KLHL17: variants seen among roughly 807,000 people sequenced by gnomAD.
KLHL17 encodes kelch-like protein 17.
In KLHL17, 71 loss-of-function variants were observed where a neutral mutation model predicts 64.6. That is an observed-to-expected ratio of 1.10 (90% CI 0.91 to 1.34). The LOEUF is 1.34. Ranked by LOEUF, KLHL17 falls within the 40% of genes most tolerant of loss-of-function variation. KLHL17 has a pLI of 0.00. For synonymous variants in KLHL17, 612 were observed against 405.4 expected, an observed-to-expected ratio of 1.51 and a Z score of -6.12; for missense variants, 1,140 against 935.0, an observed-to-expected ratio of 1.22 and a Z score of -2.86.
In KLHL17 at chr1:965,554, T is replaced by A; in HGVS notation, c.*363T>A. Reference sequence around the variant, plus strand: ...AGCAGCTGCAGACCCCAGCTCGAATTTTGCACATGGCGGGGTCCCGGGAAG... The same window carrying A: ...AGCAGCTGCAGACCCCAGCTCGAATATTGCACATGGCGGGGTCCCGGGAAG... On this transcript the variant is annotated 3_prime_UTR_variant, in exon 12 of 12. Transcript: ENST00000338591. The A allele has an allele frequency of 7.0e-6, 2 of 286,756 alleles. No individual in the cohort carries two copies. The highest frequency in any genetic ancestry group is 1.3e-5 in the Non-Finnish European group (2 of 152,958). The allele number at this position is 286,756 out of a possible 1,614,324, so 17.8% of individuals were successfully genotyped here. A position where few individuals can be genotyped will look rare whatever the true frequency, so the allele number is the denominator to read the frequency against.
rs1375245680 is a variant in KLHL17 at position 963,997 on chromosome 1, T to TG, written c.1435dup (p.Ala479GlyfsTer4). The TG allele has an allele frequency of 6.2e-7, 1 of 1,612,406 alleles. No individual in the cohort carries two copies. The highest frequency in any genetic ancestry group is 8.5e-7 in the Non-Finnish European group (1 of 1,179,912). ...AGCACCCGGAGGCGCTATGTGCGAG[T>TG]GGCCACGCTTGGTGGGTGATGGGGC... On this transcript the variant is annotated frameshift_variant, in exon 9 of 12. Transcript: ENST00000338591. LOFTEE classifies it high-confidence loss of function.
rs779586269 is a variant in KLHL17 at position 962,937 on chromosome 1, T to A, written c.1042+20T>A. 2.6e-6 allele frequency: 4 copies of A among 1,532,094 alleles called. No homozygotes were observed. The highest frequency in any genetic ancestry group is 3.5e-6 in the Non-Finnish European group (4 of 1,142,054). The allele number at this position is 1,532,094 out of a possible 1,614,324, so 94.9% of individuals were successfully genotyped here. ...CTGTGGGTATGGCCCCCCGCCCGTT[T>A]CCCTCTTGCCCTGTGCCTTCTACTC... On this transcript the variant is annotated intron_variant, in intron 6 of 11. Transcript: ENST00000338591.
At position 961,676 on chromosome 1, in the gene KLHL17, G is replaced by C. The variant is rs1194894103; in HGVS notation, c.415G>C (p.Asp139His). 1.2e-6 allele frequency: 2 copies of C among 1,612,390 alleles called. No individual in the cohort carries two copies. Among genetic ancestry groups the C allele is most frequent in the Non-Finnish European group, 1.7e-6 (2 of 1,179,646 alleles). ...GACCCACGTGACGCTGCACGACATCGACCCTCAGGCCTTGGACCAGCTGGT... is the reference window on the plus strand; with the variant it reads ...GACCCACGTGACGCTGCACGACATCCACCCTCAGGCCTTGGACCAGCTGGT... ...RQTHVTLHDI[D>H]PQALDQLVQF... Residue 139 changes from aspartate (D) to histidine (H), a missense_variant, in exon 3 of 12, where the codon GAC becomes CAC. By Grantham distance (81) the Asp-to-His change is moderately conservative. Transcript: ENST00000338591.
At position 961,303 on chromosome 1, in the gene KLHL17, G is replaced by T; in HGVS notation, c.118G>T (p.Glu40Ter). The change falls in exon 2 of 12, where the codon GAG (glutamate) becomes TAG (stop). Residue 40 changes from glutamate (E) to a stop codon, truncating the protein, a stop_gained. Coordinates refer to ENST00000338591, the MANE Select transcript of KLHL17 (RefSeq NM_198317.3). LOFTEE classifies it high-confidence loss of function. ...PPPQPPAPEA[E>*]RTRPRQARPA... ...GCCCGCCTCCTGCAGCCCCGAGGCA[G>T]AGCGCACGCGGCCCCGGCAGGCTCG... 1 of 1,517,090 alleles carries T rather than the reference G, an allele frequency of 6.6e-7. No individual in the cohort carries two copies. Among genetic ancestry groups the T allele is most frequent in the South Asian group, 1.2e-5 (1 of 82,788 alleles). 94.0% of individuals were successfully genotyped at this position (1,517,090 alleles called of 1,614,324 possible). A position where few individuals can be genotyped will look rare whatever the true frequency, so the allele number is the denominator to read the frequency against.
At chr1:962,615 G>C in intron 5 of KLHL17, 89 bp from the exon 6 acceptor site, 2 of 1,522,188 alleles carry the variant, frequency 1.3e-6, no homozygotes, top group Non-Finnish European at 1.8e-6. Context: ...CCATCACACA[G>C]GTGGTACGGG....
At position 960,793 on chromosome 1, in the gene KLHL17, C is replaced by T. The variant is rs1236359939; in HGVS notation, c.100C>T (p.Pro34Ser). ...GGCGCCGCCGCCTCCACCGCCGCAGCCGCCGGCGTGAGTGGGCGGGGGTCG... is the reference window on the plus strand; with the variant it reads ...GGCGCCGCCGCCTCCACCGCCGCAGTCGCCGGCGTGAGTGGGCGGGGGTCG... The part of the protein sequence containing the change: ...PEAPPPPPPQ[P>S]PAPEAERTRP... The change falls in exon 1 of 12, where the codon CCG becomes TCG. Residue 34 changes from proline to serine, a missense_variant. Coordinates refer to ENST00000338591, the MANE Select transcript of KLHL17 (RefSeq NM_198317.3). 2 of 1,064,250 alleles carry T rather than the reference C, an allele frequency of 1.9e-6. No individual in the cohort carries two copies. The highest frequency in any genetic ancestry group is 1.7e-5 in the African/African-American group (1 of 58,800). The allele number at this position is 1,064,250 out of a possible 1,614,324, so 65.9% of individuals were successfully genotyped here. A position where few individuals can be genotyped will look rare whatever the true frequency, so the allele number is the denominator to read the frequency against.
intron 8 of KLHL17, 69 bp from the exon 9 acceptor site, chr1:963,851 G>A (rs572629991): frequency 1.0e-5 from 15 of 1,492,534 alleles, no homozygotes; most frequent in African/African-American, 1.4e-5. Flanking sequence ...CCGCTGGGGA[G>A]GGCAGGTCCT....
In KLHL17 at chr1:961,734, G is replaced by C. The variant is rs1368263108; in HGVS notation, c.473G>C (p.Gly158Ala). ...GCCTACACGGCTGAGATTGTGGTGG[G>C]CGAGGGCAATGTGCAGGTGAGGGCT... ...QFAYTAEIVV[G>A]EGNVQTLLPA... is the part of the protein sequence containing the mutation. The change falls in exon 3 of 12, where the codon GGC (glycine) becomes GCC (alanine). Residue 158 changes from glycine to alanine, a missense_variant. Gly to Ala is a moderately conservative substitution (Grantham distance 60, BLOSUM62 0). Coordinates refer to ENST00000338591, the MANE Select transcript of KLHL17 (RefSeq NM_198317.3). 7 of 1,611,846 alleles carry C rather than the reference G, an allele frequency of 4.3e-6. No homozygotes were observed. In the Middle Eastern group the frequency reaches 6.6e-4, roughly 151 times the overall value.
Position 965,288 on chromosome 1 carries a change from T to A in KLHL17, c.*97T>A. On this transcript the variant is annotated 3_prime_UTR_variant, in exon 12 of 12. Transcript: ENST00000338591. The stretch of plus-strand genomic sequence containing the variant: ...TGCGCCATCCGTTCACGTCTCTGCA[T>A]CCATTCCTTCATGTCTTTATTTAGT... The A allele has an allele frequency of 2.2e-6, 2 of 894,262 alleles. No individual in the cohort carries two copies. The highest frequency in any genetic ancestry group is 1.6e-5 in the South Asian group (1 of 62,086). The allele number at this position is 894,262 out of a possible 1,614,324, so 55.4% of individuals were successfully genotyped here. A position where few individuals can be genotyped will look rare whatever the true frequency, so the allele number is the denominator to read the frequency against.
Position 965,581 on chromosome 1 carries a change from G to A in KLHL17, c.*390G>A, listed in dbSNP as rs1336732079. ...TGCACATGGCGGGGTCCCGGGAAGGGTGGGGAGCAGTTGTCCTTCCTGTCG... is the reference window on the plus strand; with the variant it reads ...TGCACATGGCGGGGTCCCGGGAAGGATGGGGAGCAGTTGTCCTTCCTGTCG... On this transcript the variant is annotated 3_prime_UTR_variant, in exon 12 of 12. Coordinates refer to ENST00000338591, the MANE Select transcript of KLHL17 (RefSeq NM_198317.3). The A allele has an allele frequency of 2.3e-5, 6 of 258,288 alleles. No homozygotes were observed. Among genetic ancestry groups the A allele is most frequent in the Non-Finnish European group, 4.4e-5 (6 of 135,072 alleles). 16.0% of individuals were successfully genotyped at this position (258,288 alleles called of 1,614,324 possible). A position where few individuals can be genotyped will look rare whatever the true frequency, so the allele number is the denominator to read the frequency against.
At position 962,686 on chromosome 1, in the gene KLHL17, G is replaced by A. The variant is rs1256666512; in HGVS notation, c.829-18G>A. ...TGCCCGAGGGTCCCGCCTGACCTTG[G>A]CGTTCCCTGCACCCCAGCTCATGAA... On this transcript the variant is annotated intron_variant, in intron 5 of 11. Coordinates refer to ENST00000338591, the MANE Select transcript of KLHL17 (RefSeq NM_198317.3). 4 of 1,570,410 alleles carry A rather than the reference G, an allele frequency of 2.5e-6. No individual in the cohort carries two copies. In the Admixed American group the frequency reaches 5.3e-5, roughly 21 times the overall value.
rs1213934459 is a variant in KLHL17, at chr1:961,821, C to G, written c.490-5C>G. ...CTCCCTCACCTGCCTCTCGGTGCCC[C>G]GTAGACTCTGCTCCCAGCCGCCAGT... On this transcript the variant is annotated splice_polypyrimidine_tract_variant and splice_region_variant and intron_variant, in intron 3 of 11. Transcript: ENST00000338591. 1.2e-6 allele frequency: 2 copies of G among 1,610,186 alleles called. No homozygotes were observed. The highest frequency in any genetic ancestry group is 8.5e-7 in the Non-Finnish European group (1 of 1,179,842).
In KLHL17 at chr1:961,626, C is replaced by T; in HGVS notation, c.368-3C>T. The T allele has an allele frequency of 6.2e-7, 1 of 1,612,820 alleles. No homozygotes were observed. The highest frequency in any genetic ancestry group is 8.5e-7 in the Non-Finnish European group (1 of 1,179,948). ...CAGCTCGTGTAACCCGCTGTCCCCG[C>T]AGATGAGATGAGCGAGAGCCGCCAG... On this transcript the variant is annotated splice_polypyrimidine_tract_variant and splice_region_variant and intron_variant, in intron 2 of 11. Transcript: ENST00000338591.
chr1:961,009 G>A (rs1253275734), intron 1 of KLHL17: 2 of 248,816 alleles, frequency 8.0e-6, no homozygotes, highest in East Asian at 1.8e-4. Context: ...CGAGAGGGCG[G>A]CTAGGGACGC....
At position 965,398 on chromosome 1, in the gene KLHL17, T is replaced by G. The variant is rs1642908680; in HGVS notation, c.*207T>G. The G allele has an allele frequency of 2.2e-5, 13 of 582,098 alleles. No homozygotes were observed. In the South Asian group the frequency reaches 2.6e-4, roughly 12 times the overall value. 36.1% of individuals were successfully genotyped at this position (582,098 alleles called of 1,614,324 possible). ...CGTTTACACCTTTAGCGTCTGGTCCTCCTGCGTGTCCTCCCCTCCACTGCC... is the reference window on the plus strand; with the variant it reads ...CGTTTACACCTTTAGCGTCTGGTCCGCCTGCGTGTCCTCCCCTCCACTGCC... On this transcript the variant is annotated 3_prime_UTR_variant, in exon 12 of 12. Coordinates refer to ENST00000338591, the MANE Select transcript of KLHL17 (RefSeq NM_198317.3).
chr1:961,577 G>GA (rs752168276), intron 2 of KLHL17, 25 bp downstream of exon 2: 3 of 1,612,710 alleles, frequency 1.9e-6, no homozygotes, highest in Non-Finnish European at 2.5e-6. Context: ...GGGCGGCGCT[G>GA]GGGGCTCCGT....
At chr1:962,948 C>G (rs761772438) in intron 6 of KLHL17, 31 bp downstream of exon 6, 28 of 1,526,750 alleles carry the variant, frequency 1.8e-5, no homozygotes, top group East Asian at 2.3e-5. Flanking sequence ...CCCTCTTGCC[C>G]TGTGCCTTCT....
chr1:961,379 A>C lies in KLHL17; in HGVS notation c.194A>C (p.His65Pro), dbSNP rs1642637221. ...GAVQLLSREG[H>P]SVAHNSKRHY... ...GTGCAGCTGCTGAGCCGCGAGGGCC[A>C]CAGCGTGGCCCACAACTCCAAGCGG... Residue 65 changes from histidine to proline, a missense_variant, in exon 2 of 12, where the codon CAC becomes CCC. Transcript: ENST00000338591. 2.5e-6 allele frequency: 4 copies of C among 1,602,824 alleles called. No individual in the cohort carries two copies.
chr1:961,800 C>T (rs985552724), intron 3 of KLHL17, 26 bp from the exon 4 acceptor site: 2 of 1,610,920 alleles, frequency 1.2e-6, no homozygotes, highest in Non-Finnish European at 1.7e-6. Context: ...CTGTGCCTCC[C>T]TCACCTGCCT....
Sources: allele counts gnomAD v4.1 joint callset, GRCh38; gene constraint gnomAD v4.1.1; transcripts MANE v1.5; gene names NCBI Gene and HGNC (gene_info 2026-07-23, HGNC 2026-07-21).